Variants in ENTREP1 observed in about 807,000 individuals in gnomAD.
The protein encoded by ENTREP1 is Friedreich ataxia region gene X123.
At chr9:69,367,707 A>G in the ENTREP1 span, among the ~76,000 whole-genome samples, 74 of 94,548 alleles carry the variant, frequency 7.8e-4, no homozygotes, top group African/African-American at 2.5e-3. Flanking sequence ...ATATATAAAT[A>G]TATATATACA....
At chr9:69,332,255 T>G in the ENTREP1 span, among the ~76,000 whole-genome samples, 1 of 152,222 alleles carries the variant, frequency 6.6e-6, no homozygotes, top group Non-Finnish European at 1.5e-5. Context: ...AGTAGGTGTG[T>G]GCCTTTGTTG....
At chr9:69,385,903 C>G in the ENTREP1 span, 4 of 1,613,290 alleles carry the variant, frequency 2.5e-6, no homozygotes, top group Admixed American at 6.7e-5. Context: ...CCCTTGAGGA[C>G]CAGGTCGAAG....
chr9:69,331,147 G>A, the ENTREP1 span, among the ~76,000 whole-genome samples: 253 of 152,252 alleles, frequency 1.7e-3, 2 homozygotes, highest in South Asian at 3.5e-3. Flanking sequence ...GGCAGGGTAG[G>A]TTGTTGAGAA....
At chr9:69,363,840 G>A in the ENTREP1 span, among the ~76,000 whole-genome samples, 1 of 152,196 alleles carries the variant, frequency 6.6e-6, no homozygotes, top group East Asian at 1.9e-4. Flanking sequence ...GTAGAGTAAA[G>A]GAAGGGTAAG....
chr9:69,362,146 A>G, the ENTREP1 span, among the ~76,000 whole-genome samples: 2 of 152,166 alleles, frequency 1.3e-5, no homozygotes, highest in Non-Finnish European at 2.9e-5. Flanking sequence ...TTTAAGTCGC[A>G]TCTTGAGATT....
At chr9:69,367,670 C>CATATATATAAATATATATAT in the ENTREP1 span, among the ~76,000 whole-genome samples, 3 of 44,084 alleles carry the variant, frequency 6.8e-5, no homozygotes, top group African/African-American at 2.4e-4. Flanking sequence ...TATATATACA[C>CATATATATAAATATATATAT]ACATATATAA....
At chr9:69,385,763 C>CATTTTTTT in the ENTREP1 span, 1 of 1,243,192 alleles carries the variant, frequency 8.0e-7, no homozygotes, top group Non-Finnish European at 1.0e-6. Context: ...TGTTTCGCCT[C>CATTTTTTT]TTTTTTTTTT....
the ENTREP1 span, among the ~76,000 whole-genome samples, chr9:69,377,085 C>G: frequency 6.6e-6 from 1 of 152,130 alleles, no homozygotes; most frequent in Non-Finnish European, 1.5e-5. Flanking sequence ...TATTCTGATG[C>G]TTGCAAAAAG....
At chr9:69,356,212 ATAAG>A in the ENTREP1 span, among the ~76,000 whole-genome samples, 5 of 152,214 alleles carry the variant, frequency 3.3e-5, no homozygotes, top group African/African-American at 1.2e-4. Flanking sequence ...GGTATCGCAT[ATAAG>A]TAAGTGGAAT....
chr9:69,337,411 G>A, the ENTREP1 span, among the ~76,000 whole-genome samples: 1 of 151,994 alleles, frequency 6.6e-6, no homozygotes, highest in Admixed American at 6.6e-5. Context: ...TTGTTGCATA[G>A]ATTTGCTATA....
the ENTREP1 span, among the ~76,000 whole-genome samples, chr9:69,326,440 C>T: frequency 6.6e-6 from 1 of 152,166 alleles, no homozygotes; most frequent in Non-Finnish European, 1.5e-5. Context: ...GAGTGCCCAG[C>T]AGCTAGCTAG....
the ENTREP1 span, among the ~76,000 whole-genome samples, chr9:69,365,862 T>G: frequency 2.0e-5 from 3 of 152,180 alleles, no homozygotes; most frequent in African/African-American, 7.2e-5. Flanking sequence ...AGGATTTCAT[T>G]CTTTTTTATG....
chr9:69,358,370 C>T, the ENTREP1 span, among the ~76,000 whole-genome samples: 1 of 152,138 alleles, frequency 6.6e-6, no homozygotes, highest in Non-Finnish European at 1.5e-5. Context: ...GTATATAGCA[C>T]TTATCAGAAA....
the ENTREP1 span, among the ~76,000 whole-genome samples, chr9:69,366,314 T>A: frequency 6.6e-6 from 1 of 152,174 alleles, no homozygotes; most frequent in Non-Finnish European, 1.5e-5. Context: ...GTTAACCATT[T>A]GTATATCTTC....
At chr9:69,353,963 T>A in the ENTREP1 span, among the ~76,000 whole-genome samples, 164 of 152,264 alleles carry the variant, frequency 1.1e-3, no homozygotes, top group Non-Finnish European at 1.3e-3. Context: ...GCTACAACAA[T>A]CAACACACGT....
the ENTREP1 span, among the ~76,000 whole-genome samples, chr9:69,360,653 C>A: frequency 6.6e-6 from 1 of 152,084 alleles, no homozygotes; most frequent in Non-Finnish European, 1.5e-5. Flanking sequence ...CTTCCTGGAG[C>A]CTTTTGACTT....
chr9:69,384,168 G>A, the ENTREP1 span: 4 of 594,734 alleles, frequency 6.7e-6, no homozygotes, highest in Admixed American at 3.0e-5. Flanking sequence ...GGCCAGCCTG[G>A]ACAACATGGA....
the ENTREP1 span, chr9:69,391,884 C>A: frequency 1.5e-6 from 2 of 1,378,062 alleles, no homozygotes; most frequent in Admixed American, 2.3e-5. Context: ...CTGTGGTCCA[C>A]CTCAAAAAAA....
chr9:69,347,937 T>A, the ENTREP1 span, among the ~76,000 whole-genome samples: 1 of 152,206 alleles, frequency 6.6e-6, no homozygotes, highest in Non-Finnish European at 1.5e-5. Context: ...AATGCATTAT[T>A]TTTTCTTATT....
Sources: allele counts gnomAD v4.1 joint callset (sites outside exome capture counted in the v4.1 genomes callset), GRCh38; gene constraint gnomAD v4.1.1; transcripts MANE v1.5; gene names NCBI Gene and HGNC (gene_info 2026-07-23, HGNC 2026-07-21).